Variants in ANO6 observed in about 807,000 individuals in gnomAD.
ANO6 encodes anoctamin-6.
ANO6 carries 106 observed loss-of-function variants against 117.5 expected under a neutral mutation model. The observed-to-expected ratio is 0.90, with a 90% confidence interval of 0.77 to 1.06. ANO6 has a LOEUF of 1.06. ANO6 is among the 50% of genes least tolerant of loss of function. The pLI, the probability that ANO6 is intolerant of heterozygous loss-of-function variation, is 0.00. For synonymous variants in ANO6, 367 were observed against 385.1 expected (o/e 0.95, Z 0.55); for missense variants, 955 against 1,121.1 (o/e 0.85, Z 2.12).
intron 11 of ANO6, among the ~76,000 whole-genome samples, chr12:45,389,373 C>T (rs1942382192): frequency 6.6e-6 from 1 of 152,018 alleles, no homozygotes; most frequent in Non-Finnish European, 1.5e-5. Flanking sequence ...GAAATGAAAG[C>T]CAAAACTTAA....
chr12:45,301,085 C>T (rs1474882447), intron 1 of ANO6, among the ~76,000 whole-genome samples: 1 of 152,160 alleles, frequency 6.6e-6, no homozygotes, highest in Admixed American at 6.5e-5. Context: ...CTGAGATGCA[C>T]TGTGAGTATA....
chr12:45,217,299 G>T (rs1029324420), intron 1 of ANO6, among the ~76,000 whole-genome samples: 1 of 152,112 alleles, frequency 6.6e-6, no homozygotes, highest in African/African-American at 2.4e-5. Flanking sequence ...AGTCTGTTGT[G>T]GCGACTCGGC....
chr12:45,285,530 C>T (rs571744971), intron 1 of ANO6, among the ~76,000 whole-genome samples: 3 of 152,112 alleles, frequency 2.0e-5, no homozygotes, highest in Non-Finnish European at 4.4e-5. Context: ...AATCACAGGT[C>T]AGGAGATCAC....
intron 11 of ANO6, 37 bp from the exon 12 acceptor site, chr12:45,390,384 C>T (rs535553597): frequency 6.9e-7 from 1 of 1,449,154 alleles, no homozygotes; most frequent in Non-Finnish European, 9.7e-7. Context: ...TTACAGTAAT[C>T]CCTTGATTGA....
In ANO6 at chr12:45,409,417, A is replaced by G. The variant is rs1943029554; in HGVS notation, c.1941A>G (p.Pro647=). The change falls in exon 16 of 20, where the codon CCA becomes CCG. Residue 647 remains proline, a synonymous_variant. Coordinates refer to ENST00000320560, the MANE Select transcript of ANO6 (RefSeq NM_001025356.3). ...TTTCTGGATCAGAAAAGATAACCCC[A>G]CGATGGGAACAGGACTACCATCTGC... ...HRVSGSEKIT[P]RWEQDYHLQP... 6.2e-7 allele frequency: 1 copy of G among 1,613,986 alleles called. No homozygotes were observed. The highest frequency in any genetic ancestry group is 1.1e-5 in the South Asian group (1 of 91,088).
At position 45,377,962 on chromosome 12, in the gene ANO6, C is replaced by T. The variant is rs1942073038; in HGVS notation, c.1105-91C>T. The T allele has an allele frequency of 3.1e-6, 4 of 1,280,866 alleles. No homozygotes were observed. In the South Asian group the frequency reaches 4.8e-5, roughly 15 times the overall value. 79.3% of individuals were successfully genotyped at this position (1,280,866 alleles called of 1,614,324 possible). A position where few individuals can be genotyped will look rare whatever the true frequency, so the allele number is the denominator to read the frequency against. On this transcript the variant is annotated intron_variant, in intron 9 of 19. Transcript: ENST00000320560. ...TAGGCATCACCTTTGAAAAGAACTT[C>T]AAGACTGTAGAATAGACAAAGCATT...
intron 13 of ANO6, among the ~76,000 whole-genome samples, chr12:45,402,479 T>C (rs1942817664): frequency 6.6e-6 from 1 of 152,228 alleles, no homozygotes; most frequent in Non-Finnish European, 1.5e-5. Context: ...GTGTTTCTTC[T>C]CTCTGGCTTG....
chr12:45,397,990 T>C (rs1942674075), intron 12 of ANO6, among the ~76,000 whole-genome samples: 2 of 148,584 alleles, frequency 1.3e-5, no homozygotes, highest in Admixed American at 1.3e-4. Flanking sequence ...AAAAAAAAAC[T>C]ACAAATAAAT....
intron 1 of ANO6, among the ~76,000 whole-genome samples, chr12:45,300,238 G>C (rs1939435654): frequency 6.6e-6 from 1 of 152,168 alleles, no homozygotes; most frequent in Non-Finnish European, 1.5e-5. Flanking sequence ...CTAGAGTGCA[G>C]CTGCATGATC....
intron 2 of ANO6, among the ~76,000 whole-genome samples, chr12:45,315,489 C>A (rs1180296459): frequency 1.3e-5 from 2 of 151,932 alleles, no homozygotes; most frequent in Non-Finnish European, 2.9e-5. Context: ...CTCTTTCTGG[C>A]CACTCCCGTT....
downstream of ANO6, chr12:45,432,366 A>G (rs1943655097): frequency 1.3e-6 from 1 of 779,430 alleles, no homozygotes; most frequent in Non-Finnish European, 1.6e-6. Flanking sequence ...GGTCTATTCT[A>G]TATTGTCTTA....
intron 12 of ANO6, among the ~76,000 whole-genome samples, chr12:45,400,551 A>G (rs866584892): frequency 7.2e-5 from 11 of 152,350 alleles, no homozygotes; most frequent in Middle Eastern, 3.4e-3. Context: ...CATAGCTAAT[A>G]CTTATTTGGT....
intron 12 of ANO6, among the ~76,000 whole-genome samples, chr12:45,396,910 A>G (rs1269180754): frequency 6.6e-6 from 1 of 152,242 alleles, no homozygotes; most frequent in Non-Finnish European, 1.5e-5. Context: ...AATACCATTC[A>G]GGACATAGGC....
intron 1 of ANO6, among the ~76,000 whole-genome samples, chr12:45,236,608 T>C (rs1239324254): frequency 6.6e-6 from 1 of 152,238 alleles, no homozygotes; most frequent in Non-Finnish European, 1.5e-5. Flanking sequence ...TGTGCCACAT[T>C]TTCTTAATCC....
intron 1 of ANO6, among the ~76,000 whole-genome samples, chr12:45,219,181 TC>T (rs1371181056): frequency 2.0e-5 from 3 of 151,554 alleles, no homozygotes; most frequent in Non-Finnish European, 4.4e-5. Context: ...GACCTCCCCC[TC>T]CCCCCAAAAA....
At chr12:45,237,832 A>G (rs1947670170) in intron 1 of ANO6, among the ~76,000 whole-genome samples, 1 of 152,128 alleles carries the variant, frequency 6.6e-6, no homozygotes, top group Non-Finnish European at 1.5e-5. Flanking sequence ...CCGTTTTCAC[A>G]ATATTGATTC....
chr12:45,261,994 G>A (rs1448882555), intron 1 of ANO6, among the ~76,000 whole-genome samples: 1 of 152,172 alleles, frequency 6.6e-6, no homozygotes, highest in Non-Finnish European at 1.5e-5. Flanking sequence ...ATCATAGCAA[G>A]GTAAATGATT....
rs142240778 is a variant in ANO6, at chr12:45,226,718, C to T, written c.70+10327C>T. Among the ~76,000 whole-genome samples the T allele has an allele frequency of 6.2e-3, 946 of 152,128 alleles. 3 individuals are homozygous for T. The highest frequency in any genetic ancestry group is 9.6e-3 in the Non-Finnish European group (656 of 67,980). The stretch of plus-strand genomic sequence containing the variant: ...GTTTTCTTGTGGTGTCACATAGTCA[C>T]AGTCTTATACATGCTTTTTTTCTGA... On this transcript the variant is annotated intron_variant, in intron 1 of 19. Coordinates refer to ENST00000320560, the MANE Select transcript of ANO6 (RefSeq NM_001025356.3).
intron 3 of ANO6, among the ~76,000 whole-genome samples, chr12:45,332,170 T>G (rs1182271944): frequency 1.3e-5 from 2 of 152,076 alleles, no homozygotes; most frequent in Admixed American, 1.3e-4. Flanking sequence ...TAAACTGCAT[T>G]AAACTAAAAC....
Sources: gnomAD v4.1 joint callset for allele counts (sites outside exome capture counted in the v4.1 genomes callset) on GRCh38, gnomAD v4.1.1 for gene constraint, MANE v1.5 for transcripts, NCBI Gene and HGNC (gene_info 2026-07-23, HGNC 2026-07-21) for gene names.